The following PHLDB1 variants were observed in gnomAD, a reference collection of about 807,000 sequenced individuals.
The protein encoded by PHLDB1 is pleckstrin homology-like domain family B member 1.
Under a neutral mutation model 139.3 loss-of-function variants are expected in PHLDB1, and 65 were observed. That is an observed-to-expected ratio of 0.47 (90% CI 0.38 to 0.57). PHLDB1 has a LOEUF of 0.57. Among genes scored for constraint, PHLDB1 ranks in the 20% least tolerant of loss-of-function variants. The probability of loss-of-function intolerance (pLI) is 0.00; values close to 1 mark genes in which losing one functional copy is unlikely to be tolerated. For missense variants in PHLDB1, 1,624 were observed against 1,839.7 expected (o/e 0.88, Z 2.14); for synonymous variants, 679 against 734.5 (o/e 0.92, Z 1.22).
intron 13 of PHLDB1, 127 bp from the exon 14 acceptor site, chr11:118,643,673 G>T (rs543221011): frequency 2.6e-6 from 4 of 1,555,798 alleles, no homozygotes; most frequent in African/African-American, 2.7e-5. Flanking sequence ...GAGGCTTGTT[G>T]TCAGAGCCAG....
chr11:118,639,073 T>C lies in PHLDB1; in HGVS notation c.2646+72T>C, dbSNP rs1591659793. 5 of 1,547,600 alleles carry C rather than the reference T, an allele frequency of 3.2e-6. No homozygotes were observed. The Admixed American group carries it at 5.0e-5, about 16-fold the overall frequency. ...GGAGGGGAGTGCAGAAGGACTGGGGTGTAAATGTGCTGGGGTGGAGCACAG... is the reference window on the plus strand; with the variant it reads ...GGAGGGGAGTGCAGAAGGACTGGGGCGTAAATGTGCTGGGGTGGAGCACAG... On this transcript the variant is annotated intron_variant, in intron 11 of 22. Transcript: ENST00000600882.
rs556169667 is a variant in PHLDB1 at position 118,656,598 on chromosome 11, G to A, written c.3994-85G>A. 4 of 1,364,500 alleles carry A rather than the reference G, an allele frequency of 2.9e-6. No homozygotes were observed. The South Asian group carries it at 3.9e-5, about 13-fold the overall frequency. 84.5% of individuals were successfully genotyped at this position (1,364,500 alleles called of 1,614,324 possible). Reference sequence around the variant, plus strand: ...TCCAGGGCTTTCTAGGGGCTGGGAGGGGAAAGGGCAGATAGGGAGGCAGGT... The same window carrying A: ...TCCAGGGCTTTCTAGGGGCTGGGAGAGGAAAGGGCAGATAGGGAGGCAGGT... On this transcript the variant is annotated intron_variant, in intron 22 of 22. Transcript: ENST00000600882.
At chr11:118,642,046 C>T in intron 12 of PHLDB1, 1 of 513,880 alleles carries the variant, frequency 1.9e-6, no homozygotes, top group Non-Finnish European at 3.6e-6. Flanking sequence ...TTTCTTGATG[C>T]TCTCCTTTCT....
intron 1 of PHLDB1, among the ~76,000 whole-genome samples, chr11:118,609,119 TCA>T (rs1555081430): frequency 9.3e-6 from 1 of 107,616 alleles, no homozygotes; most frequent in African/African-American, 3.7e-5. Flanking sequence ...AAGCAGCCCG[TCA>T]CACACACAGC....
chr11:118,631,706 G>A (rs1555110696), intron 7 of PHLDB1, among the ~76,000 whole-genome samples: 1 of 152,208 alleles, frequency 6.6e-6, no homozygotes, highest in East Asian at 1.9e-4. Flanking sequence ...GCCCCACCCA[G>A]GCCTGGCACT....
At chr11:118,644,249 A>G in intron 15 of PHLDB1, 75 bp downstream of exon 15, 1 of 956,802 alleles carries the variant, frequency 1.0e-6, no homozygotes, top group Non-Finnish European at 1.6e-6. Context: ...CTCTATGCTC[A>G]CACCTTTCAC....
At position 118,644,190 on chromosome 11, in the gene PHLDB1, G is replaced by A. The variant is rs369990148; in HGVS notation, c.3121+16G>A. ...CAGCAGAAGGGTGAGTGACTGCCCC[G>A]CCAGCCCACCTGCTCTCCTGAGGGG... is the stretch of plus-strand genomic sequence containing the variant. On this transcript the variant is annotated intron_variant, in intron 15 of 22. Coordinates refer to ENST00000600882, the MANE Select transcript of PHLDB1 (RefSeq NM_001144758.3). The A allele has an allele frequency of 6.5e-5, 103 of 1,578,772 alleles. No homozygotes were observed. Among genetic ancestry groups the A allele is most frequent in the Middle Eastern group, 1.7e-4 (1 of 6,040 alleles).
At chr11:118,635,756 C>T (rs951636164) in intron 10 of PHLDB1, among the ~76,000 whole-genome samples, 1 of 152,230 alleles carries the variant, frequency 6.6e-6, no homozygotes, top group South Asian at 2.1e-4. Flanking sequence ...TGAAGAATAA[C>T]TATTATTAAG....
chr11:118,629,895 T>C, intron 6 of PHLDB1: 1 of 611,544 alleles, frequency 1.6e-6, no homozygotes, highest in Non-Finnish European at 2.5e-6. Flanking sequence ...AGTCCTGACC[T>C]GCCTCACCTG....
chr11:118,629,327 C>A (rs191530708), intron 6 of PHLDB1, among the ~76,000 whole-genome samples: 1 of 152,160 alleles, frequency 6.6e-6, no homozygotes, highest in Non-Finnish European at 1.5e-5. Context: ...TGTGCATGCA[C>A]GTGGGTGCAT....
chr11:118,635,183 G>T, intron 9 of PHLDB1: 1 of 622,932 alleles, frequency 1.6e-6, no homozygotes, highest in Non-Finnish European at 2.9e-6. Flanking sequence ...GCGGTTTGGA[G>T]GGAACCGGGA....
In PHLDB1 at chr11:118,657,144, T is replaced by A; in HGVS notation, c.*321T>A. The A allele has an allele frequency of 4.8e-6, 1 of 206,440 alleles. No individual in the cohort carries two copies. The highest frequency in any genetic ancestry group is 9.9e-6 in the Non-Finnish European group (1 of 101,060). The allele number at this position is 206,440 out of a possible 1,614,324, so 12.8% of individuals were successfully genotyped here. ...GTACCATAAGCTGCCAAAGATCCCC[T>A]CCTGCCTCAGACCCCTTTGCCAGGG... On this transcript the variant is annotated 3_prime_UTR_variant, in exon 23 of 23. Coordinates refer to ENST00000600882, the MANE Select transcript of PHLDB1 (RefSeq NM_001144758.3).
At position 118,631,979 on chromosome 11, in the gene PHLDB1, G is replaced by A. The variant is rs782297966; in HGVS notation, c.2167G>A (p.Val723Met). 3 of 1,614,146 alleles carry A rather than the reference G, an allele frequency of 1.9e-6. No homozygotes were observed. Among genetic ancestry groups the A allele is most frequent in the Admixed American group, 1.7e-5 (1 of 60,032 alleles). ...AGCCCTGGAAGAAGAGCGGGCTCAG[G>A]TGCTGGGGCACGTGGAGCAGCTCAA... ...VLALEEERAQ[V>M]LGHVEQLKVR... Residue 723 changes from valine (V) to methionine (M), a missense_variant, in exon 8 of 23, where the codon GTG becomes ATG. Coordinates refer to ENST00000600882, the MANE Select transcript of PHLDB1 (RefSeq NM_001144758.3).
At position 118,610,080 on chromosome 11, in the gene PHLDB1, C is replaced by G. The variant is rs1939869178; in HGVS notation, c.-22+2381C>G. 6.6e-6 allele frequency among the ~76,000 whole-genome samples: 1 copy of G among 151,730 alleles called. No homozygotes were observed. The highest frequency in any genetic ancestry group is 2.4e-5 in the African/African-American group (1 of 41,314). The stretch of plus-strand genomic sequence containing the variant: ...CCAGTGTTCCCGTCTGTCGTCGCCT[C>G]CACTTGAGGACCCGCCTGTCCTTTC... On this transcript the variant is annotated intron_variant, in intron 1 of 22. Coordinates refer to ENST00000600882, the MANE Select transcript of PHLDB1 (RefSeq NM_001144758.3). This position sits in a 1 kb window ranked among gnomAD's most constrained non-coding sequence, Gnocchi z 8.7.
chr11:118,617,396 T>G (rs1239421634), intron 4 of PHLDB1, among the ~76,000 whole-genome samples: 2 of 152,010 alleles, frequency 1.3e-5, no homozygotes, highest in East Asian at 3.9e-4. Flanking sequence ...TGTCTCCTTC[T>G]CTCCTCTTCA....
At chr11:118,643,195 C>G (rs1411024556) in intron 13 of PHLDB1, among the ~76,000 whole-genome samples, 2 of 152,150 alleles carry the variant, frequency 1.3e-5, no homozygotes, top group East Asian at 1.9e-4. Flanking sequence ...CATCATAGGC[C>G]TTTGAGGTAG....
intron 4 of PHLDB1, among the ~76,000 whole-genome samples, chr11:118,617,471 C>T (rs950879948): frequency 3.9e-5 from 6 of 151,964 alleles, no homozygotes; most frequent in African/African-American, 1.5e-4. Flanking sequence ...ACATTTCCCC[C>T]GTCTTTTTTT....
At chr11:118,644,784 C>A in intron 15 of PHLDB1, 1 of 809,956 alleles carries the variant, frequency 1.2e-6, no homozygotes, top group Non-Finnish European at 1.8e-6. Context: ...CCACTGCCTG[C>A]AGGCAGGGTC....
rs1947247624 is a variant in PHLDB1, at chr11:118,645,030, C to T, written c.3122-326C>T. The stretch of plus-strand genomic sequence containing the variant: ...GGTGCATGTATCCTGCCTAGACCTA[C>T]TTAGGCCTTGGTTGTGAGCTGGAGC... On this transcript the variant is annotated intron_variant, in intron 15 of 22. Coordinates refer to ENST00000600882, the MANE Select transcript of PHLDB1 (RefSeq NM_001144758.3). The surrounding 1 kb of genome is among the most constrained non-coding windows in gnomAD (Gnocchi z 5.1). 2.8e-6 allele frequency: 1 copy of T among 353,368 alleles called. No individual in the cohort carries two copies. Among genetic ancestry groups the T allele is most frequent in the African/African-American group, 2.1e-5 (1 of 47,220 alleles). 21.9% of individuals were successfully genotyped at this position (353,368 alleles called of 1,614,324 possible).
Sources: gnomAD v4.1 joint callset for allele counts (sites outside exome capture counted in the v4.1 genomes callset) on GRCh38, gnomAD v4.1.1 for gene constraint, Gnocchi (gnomAD v3.1) non-coding constraint, MANE v1.5 for transcripts, NCBI Gene and HGNC (gene_info 2026-07-23, HGNC 2026-07-21) for gene names.